The following YBEY variants were observed in gnomAD, a reference collection of about 807,000 sequenced individuals.
YBEY encodes the protein ybeY metalloendoribonuclease.
Under a neutral mutation model 13.5 loss-of-function variants are expected in YBEY, and 15 were observed. The ratio of observed to expected loss-of-function variants is 1.11; its 90% confidence interval spans 0.75 to 1.72. The LOEUF is 1.72. YBEY is among the 40% of genes most tolerant of loss of function. YBEY has a pLI of 0.00. For synonymous variants in YBEY, 101 were observed against 83.1 expected (o/e 1.21, Z -1.17); for missense variants, 244 against 208.4 (o/e 1.17, Z -1.05).
the YBEY span, among the ~76,000 whole-genome samples, chr21:46,303,950 A>C: frequency 1.5e-5 from 2 of 136,610 alleles, no homozygotes; most frequent in African/African-American, 5.5e-5. Context: ...ATGGGGTTTC[A>C]CCGTGTTAGC....
At chr21:46,311,031 T>A in the YBEY span, among the ~76,000 whole-genome samples, 2 of 151,642 alleles carry the variant, frequency 1.3e-5, no homozygotes, top group African/African-American at 4.8e-5. Context: ...ATCACCATGG[T>A]GAGCTGGTTT....
downstream of YBEY, chr21:46,302,118 C>T: frequency 6.6e-7 from 1 of 1,522,052 alleles, no homozygotes; most frequent in Non-Finnish European, 8.8e-7. Context: ...CTTGGCCTGG[C>T]AGCTCGTGGG....
chr21:46,308,859 A>T, the YBEY span, among the ~76,000 whole-genome samples: 1 of 152,132 alleles, frequency 6.6e-6, no homozygotes, highest in Non-Finnish European at 1.5e-5. Context: ...TAATAAGAGG[A>T]AGAGTGACCT....
chr21:46,312,811 G>A, the YBEY span, among the ~76,000 whole-genome samples: 24 of 152,312 alleles, frequency 1.6e-4, no homozygotes, highest in African/African-American at 4.3e-4. Context: ...CCCAACAGGC[G>A]TTCTCAATTC....
rs777982615 is a variant in YBEY, at chr21:46,291,463, G to C, written c.339+1G>C. On this transcript the variant is annotated splice_donor_variant, in intron 3 of 4. Coordinates refer to ENST00000397701, the MANE Select transcript of YBEY (RefSeq NM_001314025.2). LOFTEE classifies it high-confidence loss of function. ...TGAAGATTACAATGACGTCCTGACTGTAAGCGGGGATGCTGAAATCATATA... is the reference window on the plus strand; with the variant it reads ...TGAAGATTACAATGACGTCCTGACTCTAAGCGGGGATGCTGAAATCATATA... 6.2e-7 allele frequency: 1 copy of C among 1,613,534 alleles called. No individual in the cohort carries two copies. The highest frequency in any genetic ancestry group is 8.5e-7 in the Non-Finnish European group (1 of 1,179,832).
chr21:46,291,425 A>G lies in YBEY; in HGVS notation c.302A>G (p.Gln101Arg), dbSNP rs756747580. 1.2e-6 allele frequency: 2 copies of G among 1,614,136 alleles called. No individual in the cohort carries two copies. The highest frequency in any genetic ancestry group is 1.7e-6 in the Non-Finnish European group (2 of 1,180,012). ...IFLGVEYIFH[Q>R]CKENEDYNDV... ...CTAGGAGTGGAGTATATCTTCCATCAGTGTAAAGAAAATGAAGATTACAAT... is the reference window on the plus strand; with the variant it reads ...CTAGGAGTGGAGTATATCTTCCATCGGTGTAAAGAAAATGAAGATTACAAT... Residue 101 changes from glutamine (Q) to arginine (R), a missense_variant, in exon 3 of 5, where the codon CAG becomes CGG. Coordinates refer to ENST00000397701, the MANE Select transcript of YBEY (RefSeq NM_001314025.2).
chr21:46,311,624 G>GT, the YBEY span: 2 of 1,035,164 alleles, frequency 1.9e-6, no homozygotes, highest in Non-Finnish European at 2.9e-6. Context: ...AGTGTCTCCA[G>GT]TATCTACCAC....
downstream of YBEY, chr21:46,301,711 G>C: frequency 8.5e-7 from 1 of 1,181,848 alleles, no homozygotes; most frequent in Non-Finnish European, 1.0e-6. Context: ...GGCCGGCGCC[G>C]CCCTACAGGA....
chr21:46,296,305 C>T lies in YBEY; in HGVS notation c.408+75C>T. The T allele has an allele frequency of 1.3e-5, 20 of 1,560,194 alleles. No homozygotes were observed. The South Asian group carries it at 2.2e-4, about 17-fold the overall frequency. On this transcript the variant is annotated intron_variant, in intron 4 of 4. Coordinates refer to ENST00000397701, the MANE Select transcript of YBEY (RefSeq NM_001314025.2). ...GCTCCCCCAGGCCCCTGCCAGCCCC[C>T]ACCCTCCATCTTGACCGCCCCCGCA...
chr21:46,296,232 TAAG>T lies in YBEY; in HGVS notation c.408+3_408+5del. 6.2e-7 allele frequency: 1 copy of T among 1,613,356 alleles called. No homozygotes were observed. Among genetic ancestry groups the T allele is most frequent in the Non-Finnish European group, 8.5e-7 (1 of 1,179,982 alleles). Reference sequence around the variant, plus strand: ...GGCACGGAGGCAGAGTGGCAGCAGGTAAGGAGCCCATCCATCCCACTACCGAGG... The same window carrying T: ...GGCACGGAGGCAGAGTGGCAGCAGGTGAGCCCATCCATCCCACTACCGAGG... On this transcript the variant is annotated splice_donor_5th_base_variant and intron_variant, in intron 4 of 4. Coordinates refer to ENST00000397701, the MANE Select transcript of YBEY (RefSeq NM_001314025.2).
At chr21:46,308,277 A>G in the YBEY span, among the ~76,000 whole-genome samples, 2 of 152,072 alleles carry the variant, frequency 1.3e-5, no homozygotes, top group Admixed American at 6.5e-5. Context: ...CCTGGCCAAC[A>G]TGGAGAAACC....
At chr21:46,311,078 G>C in the YBEY span, among the ~76,000 whole-genome samples, 1 of 151,852 alleles carries the variant, frequency 6.6e-6, no homozygotes, top group Non-Finnish European at 1.5e-5. Flanking sequence ...CACCCTGTGG[G>C]CCAGGCTGGT....
downstream of YBEY, chr21:46,301,574 T>C (rs568406662): frequency 1.0e-6 from 1 of 995,622 alleles, no homozygotes; most frequent in South Asian, 4.7e-5. Flanking sequence ...TCTTTTCTGT[T>C]CTGGCTCCTG....
At chr21:46,289,446 G>GT (rs71187307) in intron 2 of YBEY, among the ~76,000 whole-genome samples, 1,796 of 140,264 alleles carry the variant, frequency 0.013, 37 homozygotes, top group African/African-American at 0.028. Flanking sequence ...CAAGGGTTTT[G>GT]TTTTTTTTTT....
chr21:46,305,647 A>G, the YBEY span, among the ~76,000 whole-genome samples: 1 of 152,166 alleles, frequency 6.6e-6, no homozygotes, highest in Non-Finnish European at 1.5e-5. Flanking sequence ...AACTTTTAAA[A>G]AAAGAATCTT....
downstream of YBEY, among the ~76,000 whole-genome samples, chr21:46,298,434 C>CTTTTTTTTTTTTTTTTTTTTTTTT (rs557264546): frequency 3.1e-3 from 305 of 97,058 alleles, 59 homozygotes; most frequent in African/African-American, 5.5e-3. Flanking sequence ...TTAATCCAAG[C>CTTTTTTTTTTTTTTTTTTTTTTTT]TTTTTTTTTT....
In YBEY at chr21:46,287,125, T is replaced by TA. The variant is rs58271568; in HGVS notation, c.210+12dup. ...GTGCTTTCTTTTCCATTTCATGAGGTAAAAAAAAAATGTTCCTCTTCTTGT... is the reference window on the plus strand; with the variant it reads ...GTGCTTTCTTTTCCATTTCATGAGGTAAAAAAAAAAATGTTCCTCTTCTTGT... On this transcript the variant is annotated splice_region_variant and intron_variant, in intron 2 of 4. Coordinates refer to ENST00000397701, the MANE Select transcript of YBEY (RefSeq NM_001314025.2). 686 of 1,505,548 alleles carry TA rather than the reference T, an allele frequency of 4.6e-4. 1 individual carries two copies. The highest frequency in any genetic ancestry group is 1.5e-3 in the African/African-American group (102 of 70,302). The allele number at this position is 1,505,548 out of a possible 1,614,324, so 93.3% of individuals were successfully genotyped here. A position where few individuals can be genotyped will look rare whatever the true frequency, so the allele number is the denominator to read the frequency against.
intron 2 of YBEY, among the ~76,000 whole-genome samples, chr21:46,290,842 T>C (rs891286723): frequency 7.2e-5 from 11 of 151,882 alleles, no homozygotes; most frequent in Admixed American, 7.2e-4. Context: ...GGTTGGGAGT[T>C]TGAGACCAGC....
In YBEY at chr21:46,296,259, G is replaced by A. The variant is rs757521072; in HGVS notation, c.408+29G>A. On this transcript the variant is annotated intron_variant, in intron 4 of 4. Coordinates refer to ENST00000397701, the MANE Select transcript of YBEY (RefSeq NM_001314025.2). The stretch of plus-strand genomic sequence containing the variant: ...AGGAGCCCATCCATCCCACTACCGA[G>A]GGGGTGCGTGGGGGAAGGAGGCTCC... 5.6e-6 allele frequency: 9 copies of A among 1,611,708 alleles called. No individual in the cohort carries two copies. The East Asian group carries it at 2.0e-4, about 36-fold the overall frequency.
Sources: allele counts gnomAD v4.1 joint callset (sites outside exome capture counted in the v4.1 genomes callset), GRCh38; gene constraint gnomAD v4.1.1; transcripts MANE v1.5; gene names NCBI Gene and HGNC (gene_info 2026-07-23, HGNC 2026-07-21).